The following STXBP5L variants were observed in gnomAD, a reference collection of about 807,000 sequenced individuals.
The protein encoded by STXBP5L is syntaxin-binding protein 5-like.
A neutral mutation model predicts 144.5 loss-of-function variants in STXBP5L; 65 were observed. The observed-to-expected ratio is 0.45, with a 90% CI of 0.37 to 0.55. The LOEUF (loss-of-function observed/expected upper bound fraction) is 0.55. Ranked by LOEUF, STXBP5L falls within the 20% of genes least tolerant of loss-of-function variation. STXBP5L has a pLI of 0.00. For synonymous variants in STXBP5L, 505 were observed against 469.6 expected (o/e 1.08, Z -0.97); for missense variants, 1,298 against 1,405.5 (o/e 0.92, Z 1.22).
intron 2 of STXBP5L, among the ~76,000 whole-genome samples, chr3:120,953,793 T>G (rs922029426): frequency 6.6e-5 from 10 of 152,176 alleles, no homozygotes; most frequent in Non-Finnish European, 2.9e-5. Context: ...TGGATGTGTC[T>G]TACTTCTTTT....
intron 3 of STXBP5L, among the ~76,000 whole-genome samples, chr3:121,015,101 T>C (rs574232928): frequency 6.6e-6 from 1 of 152,126 alleles, no homozygotes; most frequent in African/African-American, 2.4e-5. Context: ...TGCTAGAGAT[T>C]CAATCCAATC....
chr3:120,965,147 T>C (rs1379817880), intron 3 of STXBP5L, among the ~76,000 whole-genome samples: 2 of 152,184 alleles, frequency 1.3e-5, no homozygotes, highest in African/African-American at 2.4e-5. Context: ...TCTTCCTCCA[T>C]CTCTTTATTT....
At chr3:120,957,760 T>C (rs1012447442) in intron 3 of STXBP5L, among the ~76,000 whole-genome samples, 4 of 151,000 alleles carry the variant, frequency 2.6e-5, no homozygotes, top group African/African-American at 9.7e-5. Flanking sequence ...TTTAAAGCAG[T>C]GTGTAGAGGG....
rs564474573 is a variant in STXBP5L at position 121,090,751 on chromosome 3, T to C, written c.471-24174T>C. On this transcript the variant is annotated intron_variant, in intron 5 of 26. Coordinates refer to ENST00000471454, the MANE Select transcript of STXBP5L (RefSeq NM_001308330.2). ...ACTTCATGGGGACACAATTAGTGCC[T>C]CAGATGGTATGAATTTTTTTTATTT... 7.9e-5 allele frequency among the ~76,000 whole-genome samples: 12 copies of C among 152,054 alleles called. No individual in the cohort carries two copies. In the South Asian group the frequency reaches 2.3e-3, roughly 29 times the overall value.
chr3:121,176,746 A>C (rs1301171894), intron 9 of STXBP5L, among the ~76,000 whole-genome samples: 1 of 151,894 alleles, frequency 6.6e-6, no homozygotes, highest in Non-Finnish European at 1.5e-5. Flanking sequence ...CAACCCAATA[A>C]GGGTGACTGA....
intron 20 of STXBP5L, among the ~76,000 whole-genome samples, chr3:121,354,767 A>T (rs914212701): frequency 2.0e-5 from 3 of 152,074 alleles, no homozygotes; most frequent in African/African-American, 7.2e-5. Context: ...CCGTTAACTG[A>T]TGCAGTTTCT....
chr3:120,921,045 ACCT>A (rs540498113), intron 2 of STXBP5L, among the ~76,000 whole-genome samples: 63 of 151,724 alleles, frequency 4.2e-4, no homozygotes, highest in African/African-American at 1.5e-3. Context: ...GTTTTGAGGA[ACCT>A]CCATACAGTT....
intron 5 of STXBP5L, among the ~76,000 whole-genome samples, chr3:121,090,658 C>A (rs1471518837): frequency 2.6e-5 from 4 of 151,850 alleles, no homozygotes; most frequent in Non-Finnish European, 5.9e-5. Context: ...ATTTTTGTAC[C>A]TAAGAGTAAT....
chr3:121,093,096 C>G (rs555981741), intron 5 of STXBP5L, among the ~76,000 whole-genome samples: 1 of 152,190 alleles, frequency 6.6e-6, no homozygotes, highest in South Asian at 2.1e-4. Flanking sequence ...ATATATCGAA[C>G]CAGCCTTGCA....
At chr3:121,336,020 T>A (rs190166925) in intron 20 of STXBP5L, among the ~76,000 whole-genome samples, 1 of 152,260 alleles carries the variant, frequency 6.6e-6, no homozygotes, top group African/African-American at 2.4e-5. Flanking sequence ...AAACTATGCA[T>A]CTGACAAAGG....
chr3:121,313,813 G>A (rs1480299885), intron 19 of STXBP5L, among the ~76,000 whole-genome samples: 13 of 144,196 alleles, frequency 9.0e-5, no homozygotes, highest in South Asian at 4.7e-4. Flanking sequence ...GGTGGTTGCC[G>A]GACGGAGGGG....
At chr3:121,244,450 G>GGAGAGAGAGAGAGAGACA (rs1037882808) in intron 14 of STXBP5L, among the ~76,000 whole-genome samples, 1 of 150,318 alleles carries the variant, frequency 6.7e-6, no homozygotes, top group African/African-American at 2.4e-5. Context: ...GAAGGGGCGG[G>GGAGAGAGAGAGAGAGACA]GAGAGAGAGA....
At chr3:121,080,174 G>C (rs958052827) in intron 5 of STXBP5L, among the ~76,000 whole-genome samples, 2 of 152,060 alleles carry the variant, frequency 1.3e-5, no homozygotes, top group East Asian at 3.8e-4. Flanking sequence ...CCATTGGCAT[G>C]GAACATGTTT....
intron 5 of STXBP5L, among the ~76,000 whole-genome samples, chr3:121,049,475 C>T (rs949222327): frequency 8.6e-5 from 13 of 152,044 alleles, no homozygotes; most frequent in African/African-American, 2.9e-4. Flanking sequence ...TGAGTGTCTA[C>T]GATTGCCCCT....
rs2047394790 is a variant in STXBP5L at position 121,423,368 on chromosome 3, G to C, written c.*4271G>C. 6.6e-6 allele frequency: 1 copy of C among 152,176 alleles called. No homozygotes were observed. The highest frequency in any genetic ancestry group is 2.4e-5 in the African/African-American group (1 of 41,440). The allele number at this position is 152,176 out of a possible 1,614,324, so 9.4% of individuals were successfully genotyped here. On this transcript the variant is annotated 3_prime_UTR_variant, in exon 27 of 27. Transcript: ENST00000471454. ...GGGAACATGGTTGTCAACATAACAA[G>C]TTTAGTGTGTGTATTTGCAGACAAC...
intron 3 of STXBP5L, among the ~76,000 whole-genome samples, chr3:121,015,186 C>G (rs994253704): frequency 6.6e-6 from 1 of 152,042 alleles, no homozygotes; most frequent in African/African-American, 2.4e-5. Context: ...ATTTAAAACT[C>G]TTTAACAAAA....
At chr3:121,322,216 C>T (rs532875741) in intron 20 of STXBP5L, among the ~76,000 whole-genome samples, 86 of 152,272 alleles carry the variant, frequency 5.6e-4, no homozygotes, top group Middle Eastern at 3.4e-3. Flanking sequence ...CCGTGGCTCA[C>T]GCCTGTAATC....
At chr3:121,180,838 A>C (rs1241880065) in intron 9 of STXBP5L, among the ~76,000 whole-genome samples, 1 of 152,148 alleles carries the variant, frequency 6.6e-6, no homozygotes, top group Non-Finnish European at 1.5e-5. Context: ...GTGCCATTGC[A>C]CTCCAGCCTG....
chr3:121,252,911 ATT>A (rs1237233793), intron 15 of STXBP5L, among the ~76,000 whole-genome samples: 1 of 152,088 alleles, frequency 6.6e-6, no homozygotes, highest in Admixed American at 6.6e-5. Flanking sequence ...GGCAGACTTC[ATT>A]TTCTTGCACA....
Sources: gnomAD v4.1 joint callset for allele counts (sites outside exome capture counted in the v4.1 genomes callset) on GRCh38, gnomAD v4.1.1 for gene constraint, MANE v1.5 for transcripts, NCBI Gene and HGNC (gene_info 2026-07-23, HGNC 2026-07-21) for gene names.